KDM2A: variants seen among roughly 807,000 people sequenced by gnomAD.
The protein encoded by KDM2A is lysine demethylase 2A.
KDM2A carries 3 observed loss-of-function variants against 137.3 expected under a neutral mutation model. The ratio of observed to expected loss-of-function variants is 0.02; its 90% confidence interval spans 0.01 to 0.06. The LOEUF (loss-of-function observed/expected upper bound fraction) is 0.06. Among genes scored for constraint, KDM2A ranks in the 10% least tolerant of loss-of-function variants. The probability of loss-of-function intolerance (pLI) is 1.00; values close to 1 mark genes in which losing one functional copy is unlikely to be tolerated. For synonymous variants in KDM2A, 512 were observed against 541.5 expected (o/e 0.95, Z 0.76); for missense variants, 738 against 1,510.6 (o/e 0.49, Z 8.48).
Position 67,245,070 on chromosome 11 carries a change from T to C in KDM2A, c.1564-119T>C. The C allele has an allele frequency of 2.0e-6, 2 of 1,015,314 alleles. No homozygotes were observed. Among genetic ancestry groups the C allele is most frequent in the South Asian group, 3.1e-5 (2 of 64,656 alleles). 62.9% of individuals were successfully genotyped at this position (1,015,314 alleles called of 1,614,324 possible). A position where few individuals can be genotyped will look rare whatever the true frequency, so the allele number is the denominator to read the frequency against. ...TAAAATTTATTCTAGAAACAAGCAG[T>C]GGGCAGATCTGGCCATAGTGGGCCA... On this transcript the variant is annotated intron_variant, in intron 13 of 20. Coordinates refer to ENST00000529006, the MANE Select transcript of KDM2A (RefSeq NM_012308.3). The surrounding 1 kb of genome is among the most constrained non-coding windows in gnomAD (Gnocchi z 4.1).
intron 12 of KDM2A, among the ~76,000 whole-genome samples, chr11:67,240,582 C>A (rs186880186): frequency 6.6e-6 from 1 of 152,256 alleles, no homozygotes; most frequent in East Asian, 1.9e-4. Context: ...GAATCCTTTC[C>A]CTCTCTGCCC....
Position 67,231,789 on chromosome 11 carries a change from A to T in KDM2A, c.1308A>T (p.Gly436=). 1.9e-6 allele frequency: 3 copies of T among 1,614,006 alleles called. No homozygotes were observed. In the South Asian group the frequency reaches 3.3e-5, roughly 18 times the overall value. Residue 436 remains glycine (G), a synonymous_variant, in exon 12 of 21, where the codon GGA becomes GGT. Transcript: ENST00000529006. ...SSDCSRGSHN[G]QVWDPQCAPR... ...ACTGTAGCCGGGGCTCCCACAATGG[A>T]CAAGTGTGGGATCCCCAGTGTGCTC...
intron 2 of KDM2A, among the ~76,000 whole-genome samples, chr11:67,153,263 T>A (rs1462673931): frequency 1.3e-5 from 2 of 152,032 alleles, no homozygotes; most frequent in African/African-American, 4.8e-5. Flanking sequence ...GGATTACAGG[T>A]GTGAGCCACT....
intron 2 of KDM2A, among the ~76,000 whole-genome samples, chr11:67,168,030 CTT>C (rs1856785157): frequency 6.6e-6 from 1 of 152,114 alleles, no homozygotes; most frequent in African/African-American, 2.4e-5. Context: ...GATTCCGACT[CTT>C]TTTATACTTC....
In KDM2A at chr11:67,127,066, G is replaced by T. The variant is rs537111709; in HGVS notation, c.42+5708G>T. Among the ~76,000 whole-genome samples the T allele has an allele frequency of 1.3e-4, 20 of 152,172 alleles. No individual in the cohort carries two copies. In the East Asian group the frequency reaches 3.9e-3, roughly 29 times the overall value. ...GAAGCTTCCTTTTGATGCTGGGGTG[G>T]GTTGTTCTGAGGTAACAATGATTTA... On this transcript the variant is annotated intron_variant, in intron 2 of 20. Transcript: ENST00000529006.
At chr11:67,137,932 G>A (rs1323616478) in intron 2 of KDM2A, among the ~76,000 whole-genome samples, 2 of 152,004 alleles carry the variant, frequency 1.3e-5, no homozygotes, top group Non-Finnish European at 2.9e-5. Flanking sequence ...TGAGTAGCTG[G>A]GACTGCAGGC....
chr11:67,131,046 G>A lies in KDM2A; in HGVS notation c.42+9688G>A, dbSNP rs1035729665. On this transcript the variant is annotated intron_variant, in intron 2 of 20. Transcript: ENST00000529006. ...GTGTACTTTATACAGAAAACAGGCC[G>A]GGTGCAGTGGCTCACGCCTGTAATC... Among the ~76,000 whole-genome samples, 7 of 152,072 alleles carry A rather than the reference G, an allele frequency of 4.6e-5. No homozygotes were observed. In the South Asian group the frequency reaches 6.2e-4, roughly 13 times the overall value.
At chr11:67,154,217 C>T (rs1364451227) in intron 2 of KDM2A, among the ~76,000 whole-genome samples, 1 of 152,166 alleles carries the variant, frequency 6.6e-6, no homozygotes, top group Non-Finnish European at 1.5e-5. Flanking sequence ...TCTGGCTCGT[C>T]ATTTGATTTT....
At chr11:67,248,063 C>T (rs960240516) in intron 15 of KDM2A, among the ~76,000 whole-genome samples, 10 of 152,190 alleles carry the variant, frequency 6.6e-5, no homozygotes, top group Non-Finnish European at 1.2e-4. Context: ...GTCACAGAGA[C>T]TAGAGCATTA....
intron 5 of KDM2A, among the ~76,000 whole-genome samples, chr11:67,207,272 G>A (rs1357522166): frequency 6.6e-6 from 1 of 152,148 alleles, no homozygotes; most frequent in South Asian, 2.1e-4. Flanking sequence ...TTAGATAAAA[G>A]AGTCAACAAC....
Position 67,250,923 on chromosome 11 carries a change from C to A in KDM2A, c.2768+125C>A. Reference sequence around the variant, plus strand: ...GGGTCTTATGAGGAGTGAATTGACCCTTTTTCCCAAACTTTGGGTCCTGTT... The same window carrying A: ...GGGTCTTATGAGGAGTGAATTGACCATTTTTCCCAAACTTTGGGTCCTGTT... On this transcript the variant is annotated intron_variant, in intron 17 of 20. Coordinates refer to ENST00000529006, the MANE Select transcript of KDM2A (RefSeq NM_012308.3). The surrounding 1 kb of genome is among the most constrained non-coding windows in gnomAD (Gnocchi z 7.1). The A allele has an allele frequency of 1.4e-6, 1 of 737,778 alleles. No individual in the cohort carries two copies. 45.7% of individuals were successfully genotyped at this position (737,778 alleles called of 1,614,324 possible). A position where few individuals can be genotyped will look rare whatever the true frequency, so the allele number is the denominator to read the frequency against.
intron 2 of KDM2A, among the ~76,000 whole-genome samples, chr11:67,146,549 T>C (rs1050814753): frequency 6.6e-6 from 1 of 150,984 alleles, no homozygotes; most frequent in Non-Finnish European, 1.5e-5. Flanking sequence ...CACTTTGTTA[T>C]CCACGCTGGA....
rs1470664513 is a variant in KDM2A at position 67,198,903 on chromosome 11, C to T, written c.308-8607C>T. 7.9e-5 allele frequency among the ~76,000 whole-genome samples: 12 copies of T among 151,880 alleles called. 1 individual carries two copies. Among genetic ancestry groups the T allele is most frequent in the Admixed American group, 7.9e-4 (12 of 15,234 alleles). On this transcript the variant is annotated intron_variant, in intron 5 of 20. Coordinates refer to ENST00000529006, the MANE Select transcript of KDM2A (RefSeq NM_012308.3). ...AAGCAATTCTCATGCCTCTGCCTCC[C>T]GAGTAGCTGAGATTACTGACATGCA...
chr11:67,211,165 AG>A (rs1433443282), intron 6 of KDM2A, among the ~76,000 whole-genome samples: 6 of 152,226 alleles, frequency 3.9e-5, no homozygotes, highest in Middle Eastern at 3.4e-3. Flanking sequence ...TCATTTATCT[AG>A]GTTTTTTCCA....
At chr11:67,167,056 C>T (rs1413822922) in intron 2 of KDM2A, among the ~76,000 whole-genome samples, 5 of 152,016 alleles carry the variant, frequency 3.3e-5, no homozygotes, top group Non-Finnish European at 5.9e-5. Flanking sequence ...CCAGCCTAGG[C>T]GACAGAGCGA....
chr11:67,153,328 G>A lies in KDM2A; in HGVS notation c.43-26751G>A, dbSNP rs74775682. 1.8e-3 allele frequency among the ~76,000 whole-genome samples: 267 copies of A among 152,160 alleles called. 1 individual carries two copies. Among genetic ancestry groups the A allele is most frequent in the African/African-American group, 6.0e-3 (251 of 41,518 alleles). ...GTTTACAAGGACGTGTAATTGGAAA[G>A]GTGATGCTTTTCTGTCCAAGAAAAG... On this transcript the variant is annotated intron_variant, in intron 2 of 20. Coordinates refer to ENST00000529006, the MANE Select transcript of KDM2A (RefSeq NM_012308.3).
chr11:67,141,680 AAAATATAT>A (rs1201593114), intron 2 of KDM2A, among the ~76,000 whole-genome samples: 3 of 76,658 alleles, frequency 3.9e-5, no homozygotes, highest in South Asian at 4.9e-4. Context: ...AAAAAAAAAA[AAAATATAT>A]ATATATATAT....
chr11:67,232,260 T>C (rs1255233694), intron 12 of KDM2A, among the ~76,000 whole-genome samples: 2 of 152,178 alleles, frequency 1.3e-5, no homozygotes, highest in African/African-American at 4.8e-5. Flanking sequence ...ATATAAGAAA[T>C]GTTACATTAA....
intron 18 of KDM2A, 128 bp downstream of exon 18, chr11:67,252,985 T>C (rs1003415832): frequency 6.6e-6 from 7 of 1,063,966 alleles, no homozygotes; most frequent in Non-Finnish European, 8.0e-6. Flanking sequence ...ATGCCATTGT[T>C]GCTTAGCAAG....
Sources: gnomAD v4.1 joint callset for allele counts (sites outside exome capture counted in the v4.1 genomes callset) on GRCh38, gnomAD v4.1.1 for gene constraint, Gnocchi (gnomAD v3.1) non-coding constraint, MANE v1.5 for transcripts, NCBI Gene and HGNC (gene_info 2026-07-23, HGNC 2026-07-21) for gene names.